The following RALYL variants were observed in gnomAD, a reference collection of about 807,000 sequenced individuals.
RALYL encodes RNA-binding Raly-like protein.
In RALYL, 29 loss-of-function variants were observed where a neutral mutation model predicts 35.1. The observed-to-expected ratio is 0.83, with a 90% CI of 0.61 to 1.13. The LOEUF is 1.13. Among genes scored for constraint, RALYL ranks in the 50% most tolerant of loss-of-function variants. The pLI, the probability that RALYL is intolerant of heterozygous loss-of-function variation, is 0.00. For missense variants in RALYL, 359 were observed against 360.4 expected (o/e 1.00, Z 0.03); for synonymous variants, 120 against 127.6 (o/e 0.94, Z 0.40).
chr8:84,284,088 G>T (rs1837141073), intron 1 of RALYL, among the ~76,000 whole-genome samples: 1 of 152,048 alleles, frequency 6.6e-6, no homozygotes, highest in South Asian at 2.1e-4. Context: ...AATCAAATAG[G>T]CGGACATAGT....
chr8:84,506,888 A>C (rs1352959531), intron 1 of RALYL, among the ~76,000 whole-genome samples: 1 of 152,068 alleles, frequency 6.6e-6, no homozygotes, highest in African/African-American at 2.4e-5. Flanking sequence ...TCTGAAGGTA[A>C]CAAAGGTAAT....
intron 1 of RALYL, among the ~76,000 whole-genome samples, chr8:84,438,681 C>T (rs895564906): frequency 6.6e-6 from 1 of 151,894 alleles, no homozygotes; most frequent in Non-Finnish European, 1.5e-5. Context: ...CATGAGACAC[C>T]GTACCCAGCC....
At chr8:84,744,465 C>T (rs2133102991) in intron 2 of RALYL, among the ~76,000 whole-genome samples, 1 of 152,136 alleles carries the variant, frequency 6.6e-6, no homozygotes, top group East Asian at 1.9e-4. Flanking sequence ...CAGGAAGCCA[C>T]TCTTAAAGAG....
chr8:84,224,161 G>C (rs1342856161), intron 1 of RALYL, among the ~76,000 whole-genome samples: 1 of 151,992 alleles, frequency 6.6e-6, no homozygotes, highest in Non-Finnish European at 1.5e-5. Flanking sequence ...TCACTTTTTG[G>C]GGCAAAATGG....
intron 1 of RALYL, among the ~76,000 whole-genome samples, chr8:84,374,215 T>C (rs1856480726): frequency 6.6e-6 from 1 of 152,082 alleles, no homozygotes; most frequent in Middle Eastern, 3.4e-3. Context: ...TTTTGCCTGA[T>C]TACTCTGGTC....
chr8:84,328,581 G>A, intron 1 of RALYL, among the ~76,000 whole-genome samples: 1 of 152,138 alleles, frequency 6.6e-6, no homozygotes, highest in East Asian at 1.9e-4. Flanking sequence ...TTGCCTCCCA[G>A]CTTATTATAG....
At chr8:84,897,059 A>G (rs1255801468) in intron 8 of RALYL, among the ~76,000 whole-genome samples, 1 of 152,178 alleles carries the variant, frequency 6.6e-6, no homozygotes, top group Non-Finnish European at 1.5e-5. Context: ...CTACATAGAA[A>G]TGGAATTGAA....
intron 2 of RALYL, among the ~76,000 whole-genome samples, chr8:84,735,809 C>CACGA (rs1491421300): frequency 1.7e-5 from 2 of 119,046 alleles, no homozygotes; most frequent in Non-Finnish European, 3.7e-5. Context: ...TCATCCAAAC[C>CACGA]GCGAGAGAGA....
At chr8:84,727,173 A>G (rs1368190199) in intron 2 of RALYL, among the ~76,000 whole-genome samples, 1 of 152,092 alleles carries the variant, frequency 6.6e-6, no homozygotes, top group South Asian at 2.1e-4. Flanking sequence ...AAGATATTCA[A>G]CAGTATACTT....
At chr8:84,362,162 AC>A (rs1853175832) in intron 1 of RALYL, among the ~76,000 whole-genome samples, 1 of 152,000 alleles carries the variant, frequency 6.6e-6, no homozygotes. Context: ...TTAAATATAC[AC>A]AGAATACCAG....
intron 2 of RALYL, among the ~76,000 whole-genome samples, chr8:84,572,974 G>T (rs901335915): frequency 6.6e-6 from 1 of 150,822 alleles, no homozygotes; most frequent in Non-Finnish European, 1.5e-5. Context: ...TTTAAAATTT[G>T]CAACTTTATA....
chr8:84,441,844 A>G (rs975792824), intron 1 of RALYL, among the ~76,000 whole-genome samples: 3 of 152,084 alleles, frequency 2.0e-5, no homozygotes, highest in Non-Finnish European at 2.9e-5. Context: ...CCCACTGCCC[A>G]TGGCAATTCA....
chr8:84,878,222 G>A (rs1841531647), intron 7 of RALYL, among the ~76,000 whole-genome samples: 1 of 152,146 alleles, frequency 6.6e-6, no homozygotes, highest in Non-Finnish European at 1.5e-5. Context: ...AGGGCTGGTA[G>A]ACAATAAGGA....
intron 2 of RALYL, among the ~76,000 whole-genome samples, chr8:84,712,252 C>T (rs1170137953): frequency 6.6e-6 from 1 of 152,106 alleles, no homozygotes; most frequent in Non-Finnish European, 1.5e-5. Flanking sequence ...AGAATCAGTG[C>T]AGTCTGAATG....
At chr8:84,729,269 T>C (rs541189589) in intron 2 of RALYL, among the ~76,000 whole-genome samples, 2 of 152,260 alleles carry the variant, frequency 1.3e-5, no homozygotes, top group African/African-American at 4.8e-5. Flanking sequence ...GATTTGGCTG[T>C]CTGTTTGTCT....
rs576080876 is a variant in RALYL at position 84,195,693 on chromosome 8, C to T, written c.-24+11269C>T. 5.3e-5 allele frequency among the ~76,000 whole-genome samples: 8 copies of T among 152,208 alleles called. No homozygotes were observed. In the South Asian group the frequency reaches 1.0e-3, roughly 20 times the overall value. ...AGGTTGGGAGATTATGTATTACTCTCGTTCCATTGTATTCCAAAGCCAGGA... is the reference window on the plus strand; with the variant it reads ...AGGTTGGGAGATTATGTATTACTCTTGTTCCATTGTATTCCAAAGCCAGGA... On this transcript the variant is annotated intron_variant, in intron 1 of 8. Coordinates refer to ENST00000521268, the MANE Select transcript of RALYL (RefSeq NM_173848.7).
chr8:84,600,475 G>A (rs1815668329), intron 2 of RALYL, among the ~76,000 whole-genome samples: 1 of 152,024 alleles, frequency 6.6e-6, no homozygotes, highest in African/African-American at 2.4e-5. Flanking sequence ...ACACATTTTT[G>A]CTTTTGCAGC....
chr8:84,612,578 A>C (rs185789213), intron 2 of RALYL, among the ~76,000 whole-genome samples: 39 of 149,264 alleles, frequency 2.6e-4, no homozygotes, highest in Admixed American at 2.6e-3. Context: ...CAAGGACTTT[A>C]AAAATAAACA....
intron 1 of RALYL, among the ~76,000 whole-genome samples, chr8:84,463,826 T>C (rs967653249): frequency 3.5e-4 from 53 of 152,094 alleles, no homozygotes; most frequent in African/African-American, 1.2e-3. Flanking sequence ...TTTTAACAGA[T>C]GCACATAGTC....
Sources: allele counts gnomAD v4.1 joint callset (sites outside exome capture counted in the v4.1 genomes callset), GRCh38; gene constraint gnomAD v4.1.1; transcripts MANE v1.5; gene names NCBI Gene and HGNC (gene_info 2026-07-23, HGNC 2026-07-21).